The following EOGT variants were observed in gnomAD, a reference collection of about 807,000 sequenced individuals.
EOGT encodes the protein EGF domain-specific O-linked N-acetylglucosamine transferase.
EOGT carries 55 observed loss-of-function variants against 70.5 expected under a neutral mutation model. That is an observed-to-expected ratio of 0.78 (90% CI 0.63 to 0.98). The LOEUF is 0.98. Among genes scored for constraint, EOGT ranks in the 50% least tolerant of loss-of-function variants. The probability of loss-of-function intolerance (pLI) is 0.00; values close to 1 mark genes in which losing one functional copy is unlikely to be tolerated. For missense variants in EOGT, 703 were observed against 641.9 expected, an observed-to-expected ratio of 1.10 and a Z score of -1.03; for synonymous variants, 246 against 217.1, an observed-to-expected ratio of 1.13 and a Z score of -1.17.
At chr3:68,995,416 G>C (rs897144015) in intron 10 of EOGT, among the ~76,000 whole-genome samples, 2 of 152,154 alleles carry the variant, frequency 1.3e-5, no homozygotes, top group African/African-American at 4.8e-5. Context: ...AGTGGCAAAG[G>C]AAGGAGGTAA....
At chr3:69,000,157 T>C (rs1467910327) in intron 9 of EOGT, among the ~76,000 whole-genome samples, 1 of 152,122 alleles carries the variant, frequency 6.6e-6, no homozygotes, top group East Asian at 1.9e-4. Flanking sequence ...GCCCAGGAAG[T>C]TGAGGCTGCA....
intron 11 of EOGT, 137 bp from the exon 12 acceptor site, chr3:68,988,714 G>C (rs2090891464): frequency 3.1e-6 from 2 of 652,942 alleles, no homozygotes; most frequent in Non-Finnish European, 5.1e-6. Context: ...CATTCAAAGA[G>C]AACAGAATTC....
At chr3:68,995,929 C>T (rs1297238895) in intron 10 of EOGT, among the ~76,000 whole-genome samples, 1 of 152,074 alleles carries the variant, frequency 6.6e-6, no homozygotes, top group Non-Finnish European at 1.5e-5. Flanking sequence ...AACTCAAGTC[C>T]ACGGGGGTCA....
At chr3:69,013,467 G>A (rs2091630353) in intron 1 of EOGT, 107 bp downstream of exon 1, 1 of 152,394 alleles carries the variant, frequency 6.6e-6, no homozygotes. Context: ...TAGCCCTCCG[G>A]GAAGCCGCGC....
In EOGT at chr3:68,989,658, G is replaced by A. The variant is rs377187235; in HGVS notation, c.832-641C>T. ...AGCTACTCGGGAGGCTGAGACAGGA[G>A]AATCACTTGAACCTGGGAGGCGGGG... On this transcript the variant is annotated intron_variant, in intron 10 of 17. Coordinates refer to ENST00000383701, the MANE Select transcript of EOGT (RefSeq NM_001278689.2). 4.6e-4 allele frequency among the ~76,000 whole-genome samples: 67 copies of A among 146,530 alleles called. 3 individuals carry two copies. In the East Asian group the frequency reaches 0.012, roughly 25 times the overall value.
chr3:68,988,903 A>G, intron 11 of EOGT, 22 bp downstream of exon 11: 1 of 1,345,748 alleles, frequency 7.4e-7, no homozygotes, highest in Non-Finnish European at 1.0e-6. Flanking sequence ...ATTCACAGAC[A>G]TTTCAGGAAA....
intron 16 of EOGT, among the ~76,000 whole-genome samples, chr3:68,978,882 C>T (rs1484034699): frequency 1.3e-5 from 2 of 152,302 alleles, no homozygotes; most frequent in African/African-American, 4.8e-5. Context: ...TTCCATCCTT[C>T]CTTCTCTCTC....
intron 6 of EOGT, among the ~76,000 whole-genome samples, chr3:69,006,451 G>A (rs547430479): frequency 1.4e-4 from 22 of 152,282 alleles, no homozygotes; most frequent in Admixed American, 1.2e-3. Context: ...TTGGAGATCG[G>A]AGACCCCTGA....
chr3:68,996,818 G>C (rs2091161534), intron 10 of EOGT, among the ~76,000 whole-genome samples: 2 of 152,172 alleles, frequency 1.3e-5, no homozygotes, highest in Admixed American at 1.3e-4. Context: ...ATGTTGAGTG[G>C]AACCTTATAT....
intron 8 of EOGT, 107 bp from the exon 9 acceptor site, chr3:69,001,821 T>TACAG (rs2091300830): frequency 2.8e-6 from 2 of 722,098 alleles, no homozygotes; most frequent in East Asian, 5.5e-5. Context: ...CTCTAAATGG[T>TACAG]ACAGACACTC....
chr3:69,010,490 C>G (rs1015341127), intron 3 of EOGT, among the ~76,000 whole-genome samples: 2 of 152,218 alleles, frequency 1.3e-5, no homozygotes, highest in Non-Finnish European at 2.9e-5. Context: ...AATCGCAAAT[C>G]TGCAGCTTCC....
intron 14 of EOGT, among the ~76,000 whole-genome samples, chr3:68,986,983 G>A (rs2090829231): frequency 6.6e-6 from 1 of 152,234 alleles, no homozygotes. Flanking sequence ...TGTAATTTAT[G>A]AGTTGGTGCT....
chr3:68,982,259 C>T (rs1041988579), intron 15 of EOGT, among the ~76,000 whole-genome samples: 5 of 152,100 alleles, frequency 3.3e-5, no homozygotes, highest in Admixed American at 2.6e-4. Context: ...GTGGCTCATG[C>T]CTTTAATTGC....
chr3:69,004,423 C>A lies in EOGT; in HGVS notation c.575G>T (p.Arg192Leu). ...EIGGHCKLDI[R>L]TLTSEGQRKS... ...GCGCTGACCTTCAGACGTCAATGTA[C>A]GGATGTCAAGTTTACAGTGCCCTCC... The change falls in exon 8 of 18, where the codon CGT becomes CTT. Residue 192 changes from arginine to leucine, a missense_variant. Arg to Leu is a moderately radical substitution (Grantham distance 102, BLOSUM62 -2). Coordinates refer to ENST00000383701, the MANE Select transcript of EOGT (RefSeq NM_001278689.2). The A allele has an allele frequency of 6.2e-7, 1 of 1,614,066 alleles. No individual in the cohort carries two copies. The highest frequency in any genetic ancestry group is 8.5e-7 in the Non-Finnish European group (1 of 1,179,944).
At chr3:68,991,698 T>A (rs765873630) in intron 10 of EOGT, among the ~76,000 whole-genome samples, 49 of 152,260 alleles carry the variant, frequency 3.2e-4, no homozygotes, top group Non-Finnish European at 6.0e-4. Context: ...TCCCAGTGCT[T>A]TGGGAGGCTG....
chr3:69,003,110 C>A (rs1054538554), intron 8 of EOGT, among the ~76,000 whole-genome samples: 6 of 150,950 alleles, frequency 4.0e-5, no homozygotes, highest in African/African-American at 1.4e-4. Flanking sequence ...CCTCCTCCCC[C>A]TCTCTCTCCC....
At position 68,977,866 on chromosome 3, in the gene EOGT, T is replaced by C; in HGVS notation, c.1438-102A>G. 5.7e-6 allele frequency: 7 copies of C among 1,237,668 alleles called. No individual in the cohort carries two copies. In the South Asian group the frequency reaches 1.1e-4, roughly 20 times the overall value. 76.7% of individuals were successfully genotyped at this position (1,237,668 alleles called of 1,614,324 possible). The stretch of plus-strand genomic sequence containing the variant: ...CTTTGGTTAAGGCAACTAATTTATG[T>C]TCTACATCAGAGACCAGCAAACTTT... On this transcript the variant is annotated intron_variant, in intron 17 of 17. Coordinates refer to ENST00000383701, the MANE Select transcript of EOGT (RefSeq NM_001278689.2).
chr3:68,989,143 T>C (rs2090903733), intron 10 of EOGT, 126 bp from the exon 11 acceptor site: 1 of 525,862 alleles, frequency 1.9e-6, no homozygotes, highest in Non-Finnish European at 3.3e-6. Flanking sequence ...GTTCATAAAA[T>C]CCATACAAGC....
chr3:68,979,697 G>A lies in EOGT; in HGVS notation c.1305C>T (p.Phe435=), dbSNP rs527394057. The change falls in exon 16 of 18, where the codon TTC becomes TTT. Residue 435 remains phenylalanine, a synonymous_variant. Transcript: ENST00000383701. Reference sequence around the variant, plus strand: ...CAAATACAGCAGCCCAGTCTGGAAGGAAAAGTAAATGGGTCAGACCAGCTC... The same window carrying A: ...CAAATACAGCAGCCCAGTCTGGAAGAAAAAGTAAATGGGTCAGACCAGCTC... ...MHGAGLTHLL[F]LPDWAAVFEL... The A allele has an allele frequency of 1.9e-3, 3,085 of 1,613,902 alleles. 93 individuals are homozygous for A. The South Asian group carries it at 0.032, about 17-fold the overall frequency.
Sources: gnomAD v4.1 joint callset for allele counts (sites outside exome capture counted in the v4.1 genomes callset) on GRCh38, gnomAD v4.1.1 for gene constraint, MANE v1.5 for transcripts, NCBI Gene and HGNC (gene_info 2026-07-23, HGNC 2026-07-21) for gene names.